Variants in CENPP observed in about 807,000 individuals in gnomAD.
CENPP encodes the protein centromere protein P.
CENPP carries 24 observed loss-of-function variants against 35.6 expected under a neutral mutation model. That is an observed-to-expected ratio of 0.67 (90% CI 0.49 to 0.95). The LOEUF is 0.95. Among genes scored for constraint, CENPP ranks in the 40% least tolerant of loss-of-function variants. The pLI, the probability that CENPP is intolerant of heterozygous loss-of-function variation, is 0.00. For missense variants in CENPP, 332 were observed against 345.3 expected (o/e 0.96, Z 0.31); for synonymous variants, 120 against 125.5 (o/e 0.96, Z 0.29).
rs370520526 is a variant in CENPP, at chr9:92,551,372, C to T, written c.565-59942C>T. On this transcript the variant is annotated intron_variant, in intron 5 of 7. Coordinates refer to ENST00000375587, the MANE Select transcript of CENPP (RefSeq NM_001012267.3). ...TTGTTTTTTGAGATAGGGTCTTGCT[C>T]TGTCACCCAAGCTGGACTGTAGTGG... Among the ~76,000 whole-genome samples the T allele has an allele frequency of 2.5e-4, 38 of 152,214 alleles. 1 individual carries two copies. In the East Asian group the frequency reaches 3.9e-3, roughly 15 times the overall value.
chr9:92,599,608 G>A lies in CENPP; in HGVS notation c.565-11706G>A, dbSNP rs542730121. Among the ~76,000 whole-genome samples the A allele has an allele frequency of 1.1e-4, 17 of 152,184 alleles. No homozygotes were observed. In the East Asian group the frequency reaches 2.7e-3, roughly 24 times the overall value. On this transcript the variant is annotated intron_variant, in intron 5 of 7. Coordinates refer to ENST00000375587, the MANE Select transcript of CENPP (RefSeq NM_001012267.3). ...ATTTTTGTATTTTTAGTACAGACGG[G>A]GTTTCACCATGTTGGCCAGGCTGGT...
chr9:92,345,507 A>G (rs993303809), intron 3 of CENPP, among the ~76,000 whole-genome samples, 192 bp from the exon 4 acceptor site: 11 of 151,182 alleles, frequency 7.3e-5, no homozygotes, highest in African/African-American at 2.4e-4. Context: ...AAAAAAAAAA[A>G]GGCATCTTAC....
At chr9:92,611,481 T>A in intron 6 of CENPP, 88 bp downstream of exon 6, 1 of 997,222 alleles carries the variant, frequency 1.0e-6, no homozygotes, top group Non-Finnish European at 1.5e-6. Context: ...TTCTAAGTAG[T>A]AAACTACCTA....
chr9:92,408,584 A>G (rs2130943813), intron 5 of CENPP, among the ~76,000 whole-genome samples: 1 of 152,254 alleles, frequency 6.6e-6, no homozygotes, highest in East Asian at 1.9e-4. Flanking sequence ...TTATCGATTG[A>G]ATCGGGTTAC....
At chr9:92,420,361 C>T (rs1307669658) in intron 5 of CENPP, among the ~76,000 whole-genome samples, 1 of 152,158 alleles carries the variant, frequency 6.6e-6, no homozygotes, top group Non-Finnish European at 1.5e-5. Context: ...TGCACATGCC[C>T]TAAACTTTCT....
intron 5 of CENPP, chr9:92,517,294 C>T: frequency 2.0e-5 from 5 of 255,756 alleles, no homozygotes; most frequent in South Asian, 1.3e-4. Context: ...CTTTGTTTAC[C>T]CTGGCTTCAA....
chr9:92,609,402 CCT>C (rs1247116670), intron 5 of CENPP, among the ~76,000 whole-genome samples: 1 of 152,228 alleles, frequency 6.6e-6, no homozygotes, highest in Admixed American at 6.5e-5. Flanking sequence ...GCAGGAAGGC[CCT>C]GTCACTGCAG....
At chr9:92,575,436 A>G (rs1850257275) in intron 5 of CENPP, among the ~76,000 whole-genome samples, 1 of 152,244 alleles carries the variant, frequency 6.6e-6, no homozygotes, top group Non-Finnish European at 1.5e-5. Context: ...GCCATTAAGT[A>G]CATGAAGAGA....
intron 5 of CENPP, among the ~76,000 whole-genome samples, chr9:92,387,053 GAA>G (rs903436031): frequency 0.062 from 3,088 of 50,118 alleles, 39 homozygotes; most frequent in South Asian, 0.12. Flanking sequence ...GTCTCAAAAA[GAA>G]AAAAAAAAAA....
chr9:92,361,094 C>T (rs992451072), intron 4 of CENPP, among the ~76,000 whole-genome samples: 1 of 151,898 alleles, frequency 6.6e-6, no homozygotes, highest in East Asian at 1.9e-4. Context: ...GCTCATTTCC[C>T]ATAAATACTT....
At chr9:92,421,187 G>A (rs550977459) in intron 5 of CENPP, among the ~76,000 whole-genome samples, 3 of 152,036 alleles carry the variant, frequency 2.0e-5, no homozygotes, top group Non-Finnish European at 2.9e-5. Context: ...TTACAGATGC[G>A]TGCCACCACA....
intron 5 of CENPP, among the ~76,000 whole-genome samples, chr9:92,489,150 C>A (rs1336525163): frequency 6.6e-6 from 1 of 152,184 alleles, no homozygotes; most frequent in Non-Finnish European, 1.5e-5. Context: ...TGCTCCTGTT[C>A]ACCTTGTAGA....
At chr9:92,459,049 GC>G (rs1844992592) in intron 5 of CENPP, among the ~76,000 whole-genome samples, 1 of 152,118 alleles carries the variant, frequency 6.6e-6, no homozygotes, top group Non-Finnish European at 1.5e-5. Flanking sequence ...GCCCCTTCCA[GC>G]CAGTTAAGAG....
intron 5 of CENPP, chr9:92,384,805 T>A (rs749989622): frequency 6.6e-6 from 1 of 152,144 alleles, no homozygotes; most frequent in Non-Finnish European, 1.5e-5. Context: ...TTTGCAGTTA[T>A]CTCGTATTTG....
At chr9:92,551,820 A>G (rs373293096) in intron 5 of CENPP, among the ~76,000 whole-genome samples, 6 of 151,170 alleles carry the variant, frequency 4.0e-5, no homozygotes, top group Non-Finnish European at 5.9e-5. Flanking sequence ...ATAGTCTCCA[A>G]TCTCATCCAG....
chr9:92,514,552 G>A, intron 5 of CENPP: 3 of 1,506,002 alleles, frequency 2.0e-6, no homozygotes, highest in Middle Eastern at 3.6e-4. Context: ...TGAGATTATA[G>A]GCGTGAGCCA....
chr9:92,336,600 A>G (rs1419464319), intron 2 of CENPP, among the ~76,000 whole-genome samples: 1 of 152,164 alleles, frequency 6.6e-6, no homozygotes, highest in African/African-American at 2.4e-5. Context: ...TTGCCCTTCT[A>G]AAAGTAACGT....
chr9:92,417,069 G>A (rs747013816), intron 5 of CENPP: 1 of 1,613,968 alleles, frequency 6.2e-7, no homozygotes. Flanking sequence ...AGTCTTTCCA[G>A]AGATTTAGGA....
chr9:92,486,773 C>T (rs1846067227), intron 5 of CENPP, among the ~76,000 whole-genome samples: 1 of 148,558 alleles, frequency 6.7e-6, no homozygotes, highest in African/African-American at 2.6e-5. Flanking sequence ...TTATATTTTG[C>T]ATGTGTCAAT....
Sources: allele counts gnomAD v4.1 joint callset (sites outside exome capture counted in the v4.1 genomes callset), GRCh38; gene constraint gnomAD v4.1.1; transcripts MANE v1.5; gene names NCBI Gene and HGNC (gene_info 2026-07-23, HGNC 2026-07-21).